Variants in MBNL1 observed in about 807,000 individuals in gnomAD.
The protein encoded by MBNL1 is muscleblind-like protein 1.
In MBNL1, 8 loss-of-function variants were observed where a neutral mutation model predicts 42.2. The observed-to-expected ratio is 0.19, with a 90% CI of 0.11 to 0.34. The LOEUF is 0.34. Among genes scored for constraint, MBNL1 ranks in the 10% least tolerant of loss-of-function variants. The pLI, the probability that MBNL1 is intolerant of heterozygous loss-of-function variation, is 1.00. For synonymous variants in MBNL1, 169 were observed against 173.9 expected, an observed-to-expected ratio of 0.97 and a Z score of 0.22; for missense variants, 309 against 495.3, an observed-to-expected ratio of 0.62 and a Z score of 3.57.
intron 2 of MBNL1, among the ~76,000 whole-genome samples, chr3:152,342,170 T>G (rs999365400): frequency 1.3e-5 from 2 of 152,096 alleles, no homozygotes; most frequent in Non-Finnish European, 2.9e-5. Flanking sequence ...AGGTCCTTGT[T>G]AGTTGTAAAT....
rs147075543 is a variant in MBNL1 at position 152,299,820 on chromosome 3, G to A, written c.-374G>A. 2.5e-6 allele frequency: 1 copy of A among 403,346 alleles called. No individual in the cohort carries two copies. The highest frequency in any genetic ancestry group is 3.5e-5 in the East Asian group (1 of 28,202). The allele number at this position is 403,346 out of a possible 1,614,324, so 25.0% of individuals were successfully genotyped here. A position where few individuals can be genotyped will look rare whatever the true frequency, so the allele number is the denominator to read the frequency against. Reference sequence around the variant, plus strand: ...GCTGAAAGCAGCTTGGAAATTCGGTGTCGAAGGGTCTGCCACGTTTTCATG... The same window carrying A: ...GCTGAAAGCAGCTTGGAAATTCGGTATCGAAGGGTCTGCCACGTTTTCATG... On this transcript the variant is annotated 5_prime_UTR_variant, in exon 2 of 10. Transcript: ENST00000324210.
intron 2 of MBNL1, among the ~76,000 whole-genome samples, chr3:152,331,853 A>G (rs1481904236): frequency 6.6e-6 from 1 of 151,682 alleles, no homozygotes; most frequent in Non-Finnish European, 1.5e-5. Context: ...TACCACACCC[A>G]GCTAATTTTT....
chr3:152,287,259 G>A (rs1333553848), intron 1 of MBNL1, among the ~76,000 whole-genome samples: 1 of 152,020 alleles, frequency 6.6e-6, no homozygotes, highest in Non-Finnish European at 1.5e-5. Context: ...ATCTTAGAGT[G>A]ATGTGCAGTG....
At chr3:152,265,166 C>T (rs2036984178), upstream of MBNL1, 1 of 152,162 alleles carries the variant, frequency 6.6e-6, no homozygotes, top group South Asian at 2.1e-4. Flanking sequence ...AAACTTGATT[C>T]TCCATACAAG....
intron 2 of MBNL1, 26 bp from the exon 3 acceptor site, chr3:152,414,915 G>T (rs1157666993): frequency 2.5e-6 from 4 of 1,604,704 alleles, no homozygotes; most frequent in Admixed American, 1.7e-5. Flanking sequence ...TTTCTAAGAT[G>T]ATGTTTGCTG....
At chr3:152,307,168 T>G (rs2063612038) in intron 2 of MBNL1, among the ~76,000 whole-genome samples, 1 of 152,168 alleles carries the variant, frequency 6.6e-6, no homozygotes, top group Non-Finnish European at 1.5e-5. Context: ...TTTTGCATTT[T>G]TAGTAGAGAC....
At chr3:152,449,391 T>C (rs995914204) in intron 6 of MBNL1, 5 of 152,224 alleles carry the variant, frequency 3.3e-5, no homozygotes, top group Non-Finnish European at 1.5e-5. Flanking sequence ...TTAAAAAATA[T>C]GATAGTTTCT....
chr3:152,243,773 C>T (rs1327529753), upstream of MBNL1: 4 of 152,038 alleles, frequency 2.6e-5, no homozygotes, highest in South Asian at 2.1e-4. Flanking sequence ...CTTATGTAAA[C>T]GAGCACTACT....
chr3:152,340,938 G>T (rs1484740705), intron 2 of MBNL1: 2 of 1,564,592 alleles, frequency 1.3e-6, no homozygotes, highest in African/African-American at 1.4e-5. Flanking sequence ...ACAGGAGACT[G>T]CAGCAGGCCT....
intron 4 of MBNL1, among the ~76,000 whole-genome samples, chr3:152,433,899 T>C (rs959728845): frequency 3.3e-5 from 5 of 152,216 alleles, no homozygotes; most frequent in African/African-American, 4.8e-5. Context: ...TCAGCATGAC[T>C]GTGAATTAAT....
At chr3:152,247,171 A>T (rs968676498) in intron 2 of MBNL1, among the ~76,000 whole-genome samples, 27 of 152,138 alleles carry the variant, frequency 1.8e-4, no homozygotes, top group African/African-American at 6.5e-4. Context: ...GTTTGGGTGC[A>T]AACTCAGAGA....
At chr3:152,380,870 C>T (rs542526694) in intron 2 of MBNL1, among the ~76,000 whole-genome samples, 2 of 151,938 alleles carry the variant, frequency 1.3e-5, no homozygotes, top group South Asian at 2.1e-4. Context: ...TCTGAATAAT[C>T]GAACTATTCA....
At chr3:152,449,717 T>C (rs190752008) in intron 6 of MBNL1, among the ~76,000 whole-genome samples, 7 of 152,348 alleles carry the variant, frequency 4.6e-5, no homozygotes, top group Non-Finnish European at 1.5e-5. Context: ...TTAAATAAAA[T>C]CTGCATTAAT....
chr3:152,258,030 C>T (rs138344882), intron 2 of MBNL1, among the ~76,000 whole-genome samples: 1 of 152,246 alleles, frequency 6.6e-6, no homozygotes, highest in African/African-American at 2.4e-5. Flanking sequence ...ACATCTTGGG[C>T]TCCTTTTTAA....
intron 1 of MBNL1, among the ~76,000 whole-genome samples, chr3:152,277,708 T>TATAA (rs2046102052): frequency 6.6e-6 from 1 of 152,134 alleles, no homozygotes; most frequent in Non-Finnish European, 1.5e-5. Flanking sequence ...TTTTTACAAA[T>TATAA]AAATGGTTTA....
chr3:152,376,168 T>A (rs934431905), intron 2 of MBNL1, among the ~76,000 whole-genome samples: 4 of 152,222 alleles, frequency 2.6e-5, no homozygotes, highest in Admixed American at 2.0e-4. Flanking sequence ...TAGTTTTAAG[T>A]GTAGTATGAC....
chr3:152,378,134 C>T (rs1010275793), intron 2 of MBNL1, among the ~76,000 whole-genome samples: 4 of 151,956 alleles, frequency 2.6e-5, no homozygotes, highest in Non-Finnish European at 4.4e-5. Context: ...GCCAGGAGAT[C>T]GAGACCAGCC....
At chr3:152,434,626 CTG>C (rs1351402607) in intron 4 of MBNL1, among the ~76,000 whole-genome samples, 3 of 152,242 alleles carry the variant, frequency 2.0e-5, no homozygotes, top group Non-Finnish European at 4.4e-5. Flanking sequence ...AATTGCCACA[CTG>C]TGTTCCACAA....
At chr3:152,250,985 T>C (rs1262010861) in intron 2 of MBNL1, among the ~76,000 whole-genome samples, 2 of 152,086 alleles carry the variant, frequency 1.3e-5, no homozygotes, top group Non-Finnish European at 2.9e-5. Flanking sequence ...AAAAAGCTTA[T>C]CCACCATGAT....
Sources: gnomAD v4.1 joint callset for allele counts (sites outside exome capture counted in the v4.1 genomes callset) on GRCh38, gnomAD v4.1.1 for gene constraint, MANE v1.5 for transcripts, NCBI Gene and HGNC (gene_info 2026-07-23, HGNC 2026-07-21) for gene names.